The following NELL1 variants were observed in gnomAD, a reference collection of about 807,000 sequenced individuals.
NELL1 encodes neural EGFL like 1.
A neutral mutation model predicts 107.4 loss-of-function variants in NELL1; 76 were observed. The ratio of observed to expected loss-of-function variants is 0.71; its 90% CI spans 0.59 to 0.86. NELL1 has a LOEUF of 0.86. NELL1 is among the 40% of genes least tolerant of loss of function. NELL1 has a pLI of 0.00. For missense variants in NELL1, 1,024 were observed against 1,005.5 expected (o/e 1.02, Z -0.25); for synonymous variants, 353 against 341.2 (o/e 1.03, Z -0.38).
intron 15 of NELL1, among the ~76,000 whole-genome samples, chr11:21,494,499 A>G (rs1343840434): frequency 1.3e-5 from 2 of 151,912 alleles, no homozygotes; most frequent in African/African-American, 4.8e-5. Context: ...TAGCACACAC[A>G]TGTGTGTATT....
intron 5 of NELL1, among the ~76,000 whole-genome samples, chr11:20,887,332 G>A (rs949372435): frequency 6.6e-6 from 1 of 152,156 alleles, no homozygotes; most frequent in Non-Finnish European, 1.5e-5. Context: ...TGTGAACAGC[G>A]GTTTTGATTT....
At chr11:20,894,326 A>C in intron 5 of NELL1, among the ~76,000 whole-genome samples, 1 of 152,274 alleles carries the variant, frequency 6.6e-6, no homozygotes, top group East Asian at 1.9e-4. Flanking sequence ...TAGATGACTA[A>C]GAGAGTAAAA....
chr11:21,567,512 AT>A (rs1856998902), intron 17 of NELL1, among the ~76,000 whole-genome samples: 1 of 151,792 alleles, frequency 6.6e-6, no homozygotes, highest in Admixed American at 6.6e-5. Flanking sequence ...ATCTCTTGAT[AT>A]TTTTGGAACA....
chr11:21,461,394 C>A (rs936200113), intron 15 of NELL1, among the ~76,000 whole-genome samples: 1 of 152,068 alleles, frequency 6.6e-6, no homozygotes, highest in African/African-American at 2.4e-5. Flanking sequence ...TTTTGATTGA[C>A]TTTAACCTAG....
chr11:21,361,316 A>G (rs148317779), intron 14 of NELL1, among the ~76,000 whole-genome samples: 74 of 139,798 alleles, frequency 5.3e-4, no homozygotes, highest in African/African-American at 1.9e-3. Context: ...TGAGACCCCA[A>G]TCCCTTCTTG....
chr11:21,083,082 G>A (rs1292512508), intron 12 of NELL1, among the ~76,000 whole-genome samples: 1 of 152,218 alleles, frequency 6.6e-6, no homozygotes, highest in Admixed American at 6.5e-5. Flanking sequence ...GTCAGCAAGA[G>A]TAGGCATGTG....
intron 3 of NELL1, among the ~76,000 whole-genome samples, chr11:20,823,479 G>A (rs1857805446): frequency 6.6e-6 from 1 of 151,156 alleles, no homozygotes; most frequent in Non-Finnish European, 1.5e-5. Context: ...AGGACTGCAG[G>A]GAGGGTCACA....
chr11:20,823,917 A>G (rs2134028062), intron 3 of NELL1, among the ~76,000 whole-genome samples: 1 of 151,414 alleles, frequency 6.6e-6, no homozygotes, highest in South Asian at 2.1e-4. Context: ...ATACTCAAAC[A>G]ACAATGATTT....
chr11:21,340,529 A>T (rs1440345147), intron 14 of NELL1, among the ~76,000 whole-genome samples: 1 of 151,638 alleles, frequency 6.6e-6, no homozygotes, highest in Non-Finnish European at 1.5e-5. Flanking sequence ...ATGGGACTTT[A>T]CTTGGAAATA....
At chr11:20,879,805 A>G (rs1170497348) in intron 4 of NELL1, among the ~76,000 whole-genome samples, 1 of 152,226 alleles carries the variant, frequency 6.6e-6, no homozygotes, top group East Asian at 1.9e-4. Flanking sequence ...AATTTTGAGT[A>G]ATTTACATAG....
intron 14 of NELL1, among the ~76,000 whole-genome samples, chr11:21,302,882 C>A (rs1340449312): frequency 6.6e-6 from 1 of 151,152 alleles, no homozygotes; most frequent in Non-Finnish European, 1.5e-5. Flanking sequence ...ATAGTGAGAC[C>A]CTATCTCTAC....
intron 12 of NELL1, among the ~76,000 whole-genome samples, chr11:20,976,399 C>T (rs1033400422): frequency 3.3e-5 from 5 of 152,020 alleles, no homozygotes; most frequent in African/African-American, 1.2e-4. Flanking sequence ...AGATCCCAAC[C>T]CAACTTTGGG....
At chr11:21,172,612 T>C (rs1290382685) in intron 13 of NELL1, among the ~76,000 whole-genome samples, 1 of 151,824 alleles carries the variant, frequency 6.6e-6, no homozygotes, top group Non-Finnish European at 1.5e-5. Context: ...GAGGGATTAA[T>C]CCCATGGGCT....
chr11:20,728,475 T>G (rs1027557209), intron 2 of NELL1, among the ~76,000 whole-genome samples: 9 of 152,288 alleles, frequency 5.9e-5, no homozygotes, highest in Middle Eastern at 3.4e-3. Flanking sequence ...CAATATTGAG[T>G]TAATTTTTGT....
At chr11:21,267,081 T>C (rs1848650448) in intron 14 of NELL1, among the ~76,000 whole-genome samples, 1 of 151,870 alleles carries the variant, frequency 6.6e-6, no homozygotes, top group Non-Finnish European at 1.5e-5. Flanking sequence ...TTTATAGGTA[T>C]GTTTCTTTTC....
intron 15 of NELL1, among the ~76,000 whole-genome samples, chr11:21,390,391 T>A (rs1172580629): frequency 6.7e-6 from 1 of 149,490 alleles, no homozygotes; most frequent in African/African-American, 2.5e-5. Flanking sequence ...TAATAATAAA[T>A]AATATATTTA....
chr11:21,191,757 A>T (rs1175595921), intron 13 of NELL1, among the ~76,000 whole-genome samples: 3 of 151,970 alleles, frequency 2.0e-5, no homozygotes, highest in East Asian at 1.9e-4. Flanking sequence ...TTTGAACAAG[A>T]AGTTAGGAAA....
Position 21,527,271 on chromosome 11 carries a change from C to T in NELL1, c.1646-7103C>T, listed in dbSNP as rs145000287. On this transcript the variant is annotated intron_variant, in intron 15 of 19. Transcript: ENST00000357134. ...AGCCTGGACTTTATTGTCCATATCA[C>T]TATCAGCATTTTGGTCAAAGCCCTT... Among the ~76,000 whole-genome samples the T allele has an allele frequency of 9.5e-3, 1,446 of 152,282 alleles. 21 individuals are homozygous for T. The highest frequency in any genetic ancestry group is 0.033 in the African/African-American group (1,378 of 41,542).
At position 21,370,136 on chromosome 11, in the gene NELL1, C is replaced by A. The variant is rs1056411185; in HGVS notation, c.1550-717C>A. 4.6e-5 allele frequency among the ~76,000 whole-genome samples: 7 copies of A among 151,972 alleles called. No homozygotes were observed. In the East Asian group the frequency reaches 9.7e-4, roughly 21 times the overall value. ...CTATGCAAGTATGTACTAACGGGAA[C>A]TAACCTGGTCTGGGAAGGCTGACAG... On this transcript the variant is annotated intron_variant, in intron 14 of 19. Coordinates refer to ENST00000357134, the MANE Select transcript of NELL1 (RefSeq NM_006157.5).
Sources: allele counts gnomAD v4.1 joint callset (sites outside exome capture counted in the v4.1 genomes callset), GRCh38; gene constraint gnomAD v4.1.1; transcripts MANE v1.5; gene names NCBI Gene and HGNC (gene_info 2026-07-23, HGNC 2026-07-21).